The following SLC4A7 variants were observed in gnomAD, a reference collection of about 807,000 sequenced individuals.
The protein encoded by SLC4A7 is solute carrier family 4 member 7.
SLC4A7 carries 51 observed loss-of-function variants against 137.6 expected under a neutral mutation model. The observed-to-expected ratio is 0.37, with a 90% CI of 0.30 to 0.47. SLC4A7 has a LOEUF of 0.47. SLC4A7 is among the 20% of genes least tolerant of loss of function. The pLI, the probability that SLC4A7 is intolerant of heterozygous loss-of-function variation, is 1.00. For missense variants in SLC4A7, 1,247 were observed against 1,525.4 expected (o/e 0.82, Z 3.04); for synonymous variants, 542 against 518.6 (o/e 1.05, Z -0.61).
intron 23 of SLC4A7, 142 bp downstream of exon 23, chr3:27,385,750 A>G (rs2050875396): frequency 1.8e-6 from 1 of 565,902 alleles, no homozygotes; most frequent in Non-Finnish European, 3.0e-6. Context: ...TGGAGATAAC[A>G]GCAGTACCTA....
chr3:27,402,090 G>A (rs2052806699), intron 15 of SLC4A7, among the ~76,000 whole-genome samples: 1 of 152,112 alleles, frequency 6.6e-6, no homozygotes, highest in South Asian at 2.1e-4. Context: ...GGGCTTAGGT[G>A]GGTAGAAAAA....
At chr3:27,405,059 C>T (rs1283600965) in intron 13 of SLC4A7, 96 bp from the exon 14 acceptor site, 7 of 744,920 alleles carry the variant, frequency 9.4e-6, no homozygotes, top group Non-Finnish European at 1.4e-5. Context: ...AATAAAAATA[C>T]CCATCAAGCA....
At chr3:27,466,795 T>A (rs557613508) in intron 1 of SLC4A7, among the ~76,000 whole-genome samples, 3 of 152,096 alleles carry the variant, frequency 2.0e-5, no homozygotes, top group African/African-American at 4.8e-5. Flanking sequence ...AGGCAGCAGT[T>A]TCAGAGAGCC....
intron 1 of SLC4A7, among the ~76,000 whole-genome samples, chr3:27,464,657 T>C (rs2058879156): frequency 2.6e-5 from 4 of 151,518 alleles, no homozygotes; most frequent in Non-Finnish European, 5.9e-5. Flanking sequence ...CGCACCACTG[T>C]ACTCCCGCCT....
chr3:27,385,444 T>A (rs76516250), intron 23 of SLC4A7, among the ~76,000 whole-genome samples: 1 of 152,086 alleles, frequency 6.6e-6, no homozygotes, highest in Non-Finnish European at 1.5e-5. Context: ...TTTGTCATTA[T>A]GTATGCCAAT....
In SLC4A7 at chr3:27,374,481, A is replaced by G. The variant is rs1232653161; in HGVS notation, c.*2283T>C. 6.6e-6 allele frequency: 1 copy of G among 152,508 alleles called. No individual in the cohort carries two copies. The highest frequency in any genetic ancestry group is 2.4e-5 in the African/African-American group (1 of 41,454). The allele number at this position is 152,508 out of a possible 1,614,324, so 9.4% of individuals were successfully genotyped here. A position where few individuals can be genotyped will look rare whatever the true frequency, so the allele number is the denominator to read the frequency against. On this transcript the variant is annotated 3_prime_UTR_variant, in exon 26 of 26. Coordinates refer to ENST00000454389, the MANE Select transcript of SLC4A7 (RefSeq NM_001321103.2). ...CTATCTTTGATTATTTTTCAAAAAC[A>G]GTGGAAGAAATATAATCACTTAAAA...
intron 20 of SLC4A7, 38 bp from the exon 21 acceptor site, chr3:27,391,846 G>C: frequency 8.2e-7 from 1 of 1,221,422 alleles, no homozygotes; most frequent in Non-Finnish European, 1.2e-6. Context: ...CTCATGAGTA[G>C]TAAGTAAACA....
At chr3:27,407,312 T>C (rs1442123401) in intron 13 of SLC4A7, among the ~76,000 whole-genome samples, 1 of 151,634 alleles carries the variant, frequency 6.6e-6, no homozygotes, top group Non-Finnish European at 1.5e-5. Context: ...AAACCCTGTC[T>C]CTACTAAAAA....
chr3:27,391,944 A>G (rs2051601069), intron 20 of SLC4A7, 136 bp from the exon 21 acceptor site: 2 of 519,112 alleles, frequency 3.9e-6, no homozygotes, highest in African/African-American at 2.0e-5. Flanking sequence ...TCCACACATA[A>G]GAAAATTGCT....
In SLC4A7 at chr3:27,410,059, G is replaced by C. The variant is rs887242259; in HGVS notation, c.1767-529C>G. 2.0e-5 allele frequency among the ~76,000 whole-genome samples: 3 copies of C among 152,170 alleles called. No individual in the cohort carries two copies. In the South Asian group the frequency reaches 6.2e-4, roughly 32 times the overall value. On this transcript the variant is annotated intron_variant, in intron 12 of 25. Transcript: ENST00000454389. ...AACTAGTACTTCAATCGTATAAAAG[G>C]GGGAAAGAAATCCCTAAAAACTATT... is the stretch of plus-strand genomic sequence containing the variant.
intron 4 of SLC4A7, 38 bp from the exon 5 acceptor site, chr3:27,436,586 G>T (rs780615242): frequency 1.6e-6 from 2 of 1,261,658 alleles, no homozygotes; most frequent in Non-Finnish European, 1.1e-6. Context: ...TATAAGTAAT[G>T]AAGATTCCAT....
At chr3:27,380,687 T>C (rs1273786836) in intron 24 of SLC4A7, among the ~76,000 whole-genome samples, 1 of 152,204 alleles carries the variant, frequency 6.6e-6, no homozygotes, top group African/African-American at 2.4e-5. Flanking sequence ...AAATTTAAGA[T>C]TGAAGAGAAG....
rs775290409 is a variant in SLC4A7, at chr3:27,394,557, A to T, written c.3078T>A (p.Ile1026=). Reference sequence around the variant, plus strand: ...TCATGAACACAGAGAGGCCCATTAGAATAAAAATCATTAGCCCTGTAACCC... The same window carrying T: ...TCATGAACACAGAGAGGCCCATTAGTATAAAAATCATTAGCCCTGTAACCC... ...EQRVTGLMIF[I]LMGLSVFMTS... Residue 1026 remains isoleucine (I), a synonymous_variant, in exon 20 of 26, where the codon ATT becomes ATA. Coordinates refer to ENST00000454389, the MANE Select transcript of SLC4A7 (RefSeq NM_001321103.2). The T allele has an allele frequency of 5.6e-5, 90 of 1,614,010 alleles. No homozygotes were observed. The highest frequency in any genetic ancestry group is 7.4e-5 in the Non-Finnish European group (87 of 1,179,974).
chr3:27,411,708 G>C lies in SLC4A7; in HGVS notation c.1700C>G (p.Pro567Arg). ...CTCTTTAGGAGTCTCACCCAGTGTG[G>C]GGGTAGATCCATTGTGAAACACAGG... ...KIPVFHNGSTPTLGETPKEAA... is the reference protein window; with the variant it reads ...KIPVFHNGSTRTLGETPKEAA... Residue 567 changes from proline to arginine, a missense_variant, in exon 12 of 26, where the codon CCC (proline) becomes CGC (arginine). Coordinates refer to ENST00000454389, the MANE Select transcript of SLC4A7 (RefSeq NM_001321103.2). 2 of 1,557,118 alleles carry C rather than the reference G, an allele frequency of 1.3e-6. No individual in the cohort carries two copies. The highest frequency in any genetic ancestry group is 1.7e-6 in the Non-Finnish European group (2 of 1,148,484).
At chr3:27,480,960 T>C (rs1331779437) in intron 1 of SLC4A7, among the ~76,000 whole-genome samples, 3 of 152,174 alleles carry the variant, frequency 2.0e-5, no homozygotes, top group Admixed American at 6.6e-5. Context: ...CTGGCACCTA[T>C]AGGATATTTA....
At chr3:27,435,285 T>C (rs899327016) in intron 5 of SLC4A7, among the ~76,000 whole-genome samples, 1 of 152,184 alleles carries the variant, frequency 6.6e-6, no homozygotes. Context: ...AAAAAGCTGA[T>C]TACAGCTGCC....
chr3:27,406,670 T>A (rs1233834250), intron 13 of SLC4A7, among the ~76,000 whole-genome samples: 1 of 152,298 alleles, frequency 6.6e-6, no homozygotes, highest in South Asian at 2.1e-4. Flanking sequence ...GGCTCACGCC[T>A]ATAACACAAG....
At position 27,437,377 on chromosome 3, in the gene SLC4A7, A is replaced by C; in HGVS notation, c.428+11T>G. On this transcript the variant is annotated intron_variant, in intron 4 of 25. Transcript: ENST00000454389. The stretch of plus-strand genomic sequence containing the variant: ...AAAAAAAAAAAAGAGAGAGAGACTT[A>C]GCAGTATTACCTAGCAGTTTCTTTC... The C allele has an allele frequency of 1.3e-6, 2 of 1,536,940 alleles. No homozygotes were observed. Among genetic ancestry groups the C allele is most frequent in the South Asian group, 1.3e-5 (1 of 79,928 alleles).
chr3:27,421,693 T>C lies in SLC4A7; in HGVS notation c.1353A>G (p.Pro451=), dbSNP rs1459858880. The part of the protein sequence containing the change: ...LVGEVDFLER[P]IIAFVRLAPA... ...GAGCCAGTCTCACAAATGCAATTATTGGCCTTTCCAAAAAGTCTACTTCGC... is the reference window on the plus strand; with the variant it reads ...GAGCCAGTCTCACAAATGCAATTATCGGCCTTTCCAAAAAGTCTACTTCGC... The change falls in exon 9 of 26, where the codon CCA becomes CCG. Residue 451 remains proline (P), a synonymous_variant. Transcript: ENST00000454389. 6.2e-7 allele frequency: 1 copy of C among 1,613,898 alleles called. No individual in the cohort carries two copies. The highest frequency in any genetic ancestry group is 1.3e-5 in the African/African-American group (1 of 74,918).
Sources: allele counts gnomAD v4.1 joint callset (sites outside exome capture counted in the v4.1 genomes callset), GRCh38; gene constraint gnomAD v4.1.1; transcripts MANE v1.5; gene names NCBI Gene and HGNC (gene_info 2026-07-23, HGNC 2026-07-21).